ADAM32: variants seen among roughly 807,000 people sequenced by gnomAD.
The protein encoded by ADAM32 is ADAM metallopeptidase domain 32.
Under a neutral mutation model 114.9 loss-of-function variants are expected in ADAM32, and 89 were observed. The ratio of observed to expected loss-of-function variants is 0.77; its 90% CI spans 0.65 to 0.92. The LOEUF is 0.92. Among genes scored for constraint, ADAM32 ranks in the 40% least tolerant of loss-of-function variants. ADAM32 has a pLI of 0.00. For missense variants in ADAM32, 870 were observed against 932.8 expected, an observed-to-expected ratio of 0.93 and a Z score of 0.88; for synonymous variants, 285 against 307.5, an observed-to-expected ratio of 0.93 and a Z score of 0.77.
chr8:39,184,686 C>T (rs1806108244), intron 10 of ADAM32, among the ~76,000 whole-genome samples: 1 of 152,152 alleles, frequency 6.6e-6, no homozygotes, highest in South Asian at 2.1e-4. Context: ...ATGGCAGGTT[C>T]CTGACTTAGT....
At chr8:39,227,481 G>A (rs1809458061) in intron 14 of ADAM32, among the ~76,000 whole-genome samples, 4 of 152,184 alleles carry the variant, frequency 2.6e-5, no homozygotes, top group Admixed American at 2.6e-4. Flanking sequence ...ACTCGGGGCT[G>A]TTAAATTGGG....
At chr8:39,122,070 G>C (rs1179050723) in intron 2 of ADAM32, among the ~76,000 whole-genome samples, 2 of 152,118 alleles carry the variant, frequency 1.3e-5, no homozygotes, top group Non-Finnish European at 2.9e-5. Flanking sequence ...GGTTTCACAG[G>C]TTCACAACTG....
At chr8:39,219,614 A>C (rs978644890) in intron 12 of ADAM32, among the ~76,000 whole-genome samples, 7 of 152,182 alleles carry the variant, frequency 4.6e-5, no homozygotes, top group Non-Finnish European at 8.8e-5. Flanking sequence ...CCGCACCATG[A>C]AGCTGCTGCT....
intron 3 of ADAM32, among the ~76,000 whole-genome samples, chr8:39,143,324 G>A (rs1803291345): frequency 6.6e-6 from 1 of 152,262 alleles, no homozygotes; most frequent in East Asian, 1.9e-4. Flanking sequence ...TTCTGCTCTG[G>A]TTTCTCCCCA....
intron 15 of ADAM32, 104 bp downstream of exon 15, chr8:39,232,239 T>C (rs1809789581): frequency 2.3e-6 from 2 of 854,350 alleles, no homozygotes; most frequent in Admixed American, 3.1e-5. Flanking sequence ...AAGTATTACA[T>C]GTGCATAGGA....
At chr8:39,231,202 A>G (rs371355271) in intron 14 of ADAM32, among the ~76,000 whole-genome samples, 49 of 152,330 alleles carry the variant, frequency 3.2e-4, no homozygotes, top group African/African-American at 1.1e-3. Context: ...CTTAAAAGAC[A>G]GGAAATGTCA....
intron 6 of ADAM32, chr8:39,158,308 C>A (rs1274941325): frequency 5.7e-6 from 1 of 174,692 alleles, no homozygotes; most frequent in Non-Finnish European, 1.2e-5. Context: ...TCTTGCAGTA[C>A]TTGGTAAAAG....
chr8:39,150,382 G>A (rs1286256676), intron 5 of ADAM32, among the ~76,000 whole-genome samples: 1 of 152,066 alleles, frequency 6.6e-6, no homozygotes, highest in Non-Finnish European at 1.5e-5. Context: ...GACTGAAAAT[G>A]TATTTATGTT....
chr8:39,117,992 T>C (rs1321109036), intron 1 of ADAM32, 94 bp from the exon 2 acceptor site: 2 of 797,818 alleles, frequency 2.5e-6, no homozygotes, highest in South Asian at 1.9e-5. Flanking sequence ...GAGCCACCCA[T>C]ACCTGCACAA....
chr8:39,158,917 T>C (rs1374464984), intron 6 of ADAM32, among the ~76,000 whole-genome samples: 2 of 152,180 alleles, frequency 1.3e-5, no homozygotes, highest in Non-Finnish European at 2.9e-5. Flanking sequence ...GAAGTATCAT[T>C]CTTCTGGTTT....
At chr8:39,154,979 C>T (rs1804057624) in intron 6 of ADAM32, among the ~76,000 whole-genome samples, 1 of 151,762 alleles carries the variant, frequency 6.6e-6, no homozygotes, top group African/African-American at 2.4e-5. Flanking sequence ...TTCTCCCATT[C>T]TGATTATCTC....
rs960106305 is a variant in ADAM32 at position 39,143,151 on chromosome 8, C to T, written c.201-3979C>T. Among the ~76,000 whole-genome samples, 7 of 152,174 alleles carry T rather than the reference C, an allele frequency of 4.6e-5. No individual in the cohort carries two copies. In the East Asian group the frequency reaches 1.2e-3, roughly 25 times the overall value. Reference sequence around the variant, plus strand: ...TTGGCTTCCTTGTGATGGGTTACAACATGCTCCTTTAGCTTGGAGAAATTT... The same window carrying T: ...TTGGCTTCCTTGTGATGGGTTACAATATGCTCCTTTAGCTTGGAGAAATTT... On this transcript the variant is annotated intron_variant, in intron 3 of 24. Coordinates refer to ENST00000379907, the MANE Select transcript of ADAM32 (RefSeq NM_145004.7).
intron 22 of ADAM32, among the ~76,000 whole-genome samples, chr8:39,276,883 CTA>C (rs1201875085): frequency 2.0e-5 from 3 of 152,162 alleles, no homozygotes; most frequent in African/African-American, 7.2e-5. Flanking sequence ...ATAATAAAGG[CTA>C]TGTCTATCTT....
chr8:39,284,345 G>C lies in ADAM32; in HGVS notation c.2358-448G>C, dbSNP rs1813639478. Among the ~76,000 whole-genome samples, 3 of 148,350 alleles carry C rather than the reference G, an allele frequency of 2.0e-5. 1 individual carries two copies. The highest frequency in any genetic ancestry group is 2.0e-4 in the Admixed American group (3 of 14,948). ...TCTATGAATTTTCAAAGATCAAAAG[G>C]CCAAAATACTGTTATACACACACAC... On this transcript the variant is annotated intron_variant, in intron 24 of 24. Coordinates refer to ENST00000379907, the MANE Select transcript of ADAM32 (RefSeq NM_145004.7).
At chr8:39,194,761 T>C (rs1806845432) in intron 11 of ADAM32, among the ~76,000 whole-genome samples, 1 of 152,154 alleles carries the variant, frequency 6.6e-6, no homozygotes, top group South Asian at 2.1e-4. Context: ...GCAAGACTGC[T>C]TTGCAGACTT....
chr8:39,211,786 G>A (rs1808238873), intron 12 of ADAM32, among the ~76,000 whole-genome samples: 1 of 152,062 alleles, frequency 6.6e-6, no homozygotes, highest in Non-Finnish European at 1.5e-5. Context: ...AAAATATAAT[G>A]AATTCAAAAG....
At position 39,230,239 on chromosome 8, in the gene ADAM32, A is replaced by G. The variant is rs191832897; in HGVS notation, c.1526-1788A>G. On this transcript the variant is annotated intron_variant, in intron 14 of 24. Transcript: ENST00000379907. The stretch of plus-strand genomic sequence containing the variant: ...TACTGGATTATAGGGAATATTTAAC[A>G]TATGACTTCACATTTGCAAAGTGCT... Among the ~76,000 whole-genome samples the G allele has an allele frequency of 1.7e-3, 255 of 152,296 alleles. 1 individual carries two copies. Among genetic ancestry groups the G allele is most frequent in the Middle Eastern group, 3.4e-3 (1 of 294 alleles).
intron 11 of ADAM32, among the ~76,000 whole-genome samples, chr8:39,194,656 T>TA (rs1806838561): frequency 6.6e-6 from 1 of 152,114 alleles, no homozygotes; most frequent in Admixed American, 6.5e-5. Flanking sequence ...CCTGGGCAAC[T>TA]GAGGCTGTGC....
chr8:39,240,301 AT>A (rs930442932), intron 16 of ADAM32, among the ~76,000 whole-genome samples: 3 of 152,240 alleles, frequency 2.0e-5, no homozygotes, highest in Admixed American at 6.5e-5. Flanking sequence ...ATACATGGAA[AT>A]TAAGTAGTCT....
Sources: gnomAD v4.1 joint callset for allele counts (sites outside exome capture counted in the v4.1 genomes callset) on GRCh38, gnomAD v4.1.1 for gene constraint, MANE v1.5 for transcripts, NCBI Gene and HGNC (gene_info 2026-07-23, HGNC 2026-07-21) for gene names.